The following ABTB3 variants were observed in gnomAD, a reference collection of about 807,000 sequenced individuals.
ABTB3 encodes ankyrin repeat and BTB domain containing 3.
the ABTB3 span, among the ~76,000 whole-genome samples, chr12:107,487,994 G>A: frequency 2.6e-5 from 4 of 151,898 alleles, no homozygotes; most frequent in African/African-American, 9.7e-5. Flanking sequence ...CTATGGGGGA[G>A]GGGTGGGCTC....
chr12:107,336,576 A>G, the ABTB3 span, among the ~76,000 whole-genome samples: 3 of 152,116 alleles, frequency 2.0e-5, no homozygotes, highest in Non-Finnish European at 4.4e-5. Flanking sequence ...AGTTCTTGAT[A>G]CATGTTGGCT....
chr12:107,654,330 G>A, the ABTB3 span, among the ~76,000 whole-genome samples: 1 of 149,782 alleles, frequency 6.7e-6, no homozygotes, highest in Non-Finnish European at 1.5e-5. Flanking sequence ...TTTTAATCTT[G>A]CTCTGTTACC....
chr12:107,554,117 G>A, the ABTB3 span, among the ~76,000 whole-genome samples: 1 of 152,192 alleles, frequency 6.6e-6, no homozygotes, highest in African/African-American at 2.4e-5. Flanking sequence ...TTTACATACA[G>A]AGTTTAATTT....
At chr12:107,473,433 A>G in the ABTB3 span, among the ~76,000 whole-genome samples, 1 of 151,926 alleles carries the variant, frequency 6.6e-6, no homozygotes, top group Admixed American at 6.6e-5. Context: ...GGCTCACTGC[A>G]ACCTCTGCCT....
At chr12:107,508,564 C>T in the ABTB3 span, among the ~76,000 whole-genome samples, 1 of 147,910 alleles carries the variant, frequency 6.8e-6, no homozygotes, top group Non-Finnish European at 1.5e-5. Context: ...AAGCAATTCT[C>T]CTGCCTCAGC....
chr12:107,469,968 CTT>C, the ABTB3 span, among the ~76,000 whole-genome samples: 4 of 74,530 alleles, frequency 5.4e-5, no homozygotes, highest in African/African-American at 3.5e-4. Context: ...TTCTTTCTTT[CTT>C]TCTTTCTTTC....
At chr12:107,584,491 G>A in the ABTB3 span, among the ~76,000 whole-genome samples, 1 of 152,226 alleles carries the variant, frequency 6.6e-6, no homozygotes, top group East Asian at 1.9e-4. Context: ...ATTCATTTTA[G>A]AAGTTGCTGG....
the ABTB3 span, among the ~76,000 whole-genome samples, chr12:107,386,453 G>C: frequency 6.6e-6 from 1 of 152,196 alleles, no homozygotes; most frequent in Non-Finnish European, 1.5e-5. Context: ...TTTTGTTACG[G>C]AATGACTCTT....
chr12:107,391,361 G>C, the ABTB3 span, among the ~76,000 whole-genome samples: 1 of 152,152 alleles, frequency 6.6e-6, no homozygotes, highest in East Asian at 1.9e-4. Flanking sequence ...CTAATCATCA[G>C]GCCGGACCAC....
At chr12:107,334,630 C>A in the ABTB3 span, among the ~76,000 whole-genome samples, 1 of 152,006 alleles carries the variant, frequency 6.6e-6, no homozygotes, top group African/African-American at 2.4e-5. Flanking sequence ...ATCTCGGATT[C>A]AGGAGAGAGG....
chr12:107,472,620 G>C, the ABTB3 span, among the ~76,000 whole-genome samples: 2 of 152,194 alleles, frequency 1.3e-5, no homozygotes, highest in Non-Finnish European at 2.9e-5. Context: ...CCTGAGAAAG[G>C]CTTAGAAGAG....
At chr12:107,325,562 T>C in the ABTB3 span, among the ~76,000 whole-genome samples, 1 of 152,228 alleles carries the variant, frequency 6.6e-6, no homozygotes, top group South Asian at 2.1e-4. Context: ...TCCTGAAACA[T>C]AAAATAAAAA....
At chr12:107,438,079 G>T in the ABTB3 span, among the ~76,000 whole-genome samples, 1 of 152,106 alleles carries the variant, frequency 6.6e-6, no homozygotes, top group Non-Finnish European at 1.5e-5. Context: ...CCATCTGAAG[G>T]TGATCCAGAG....
At chr12:107,582,275 C>A in the ABTB3 span, among the ~76,000 whole-genome samples, 1 of 152,312 alleles carries the variant, frequency 6.6e-6, no homozygotes, top group East Asian at 1.9e-4. Flanking sequence ...GTGCTTTACA[C>A]AGATGAATAT....
At chr12:107,423,009 T>G in the ABTB3 span, among the ~76,000 whole-genome samples, 3 of 152,228 alleles carry the variant, frequency 2.0e-5, no homozygotes, top group African/African-American at 4.8e-5. Context: ...CTACCTTATG[T>G]TACCTGCCCT....
the ABTB3 span, among the ~76,000 whole-genome samples, chr12:107,558,902 C>T: frequency 6.6e-6 from 1 of 152,104 alleles, no homozygotes. Flanking sequence ...ACGTTGAGCC[C>T]CAGCACTGTG....
At chr12:107,592,112 A>G in the ABTB3 span, among the ~76,000 whole-genome samples, 1 of 152,234 alleles carries the variant, frequency 6.6e-6, no homozygotes, top group Non-Finnish European at 1.5e-5. Context: ...CGTCATCAGC[A>G]TTTCCAATGC....
the ABTB3 span, among the ~76,000 whole-genome samples, chr12:107,454,608 A>T: frequency 6.6e-6 from 1 of 152,072 alleles, no homozygotes; most frequent in Non-Finnish European, 1.5e-5. Context: ...CATCCTTGCC[A>T]CCTTTTCAGG....
chr12:107,535,980 C>T, the ABTB3 span, among the ~76,000 whole-genome samples: 1 of 152,070 alleles, frequency 6.6e-6, no homozygotes, highest in African/African-American at 2.4e-5. Flanking sequence ...CATCATACTA[C>T]TTGACTTCAA....
Sources: allele counts gnomAD v4.1 joint callset (sites outside exome capture counted in the v4.1 genomes callset), GRCh38; gene constraint gnomAD v4.1.1; transcripts MANE v1.5; gene names NCBI Gene and HGNC (gene_info 2026-07-23, HGNC 2026-07-21).